The following LINC00632 variants were observed in gnomAD, a reference collection of about 807,000 sequenced individuals.
LINC00632 encodes the protein long independently transcribed non-coding RNA 632, also known as ALDOA related specific transcript.
At chrX:140,737,970 C>T (rs1055223707) in intron 3 of LINC00632, among the ~76,000 whole-genome samples, 5 of 111,781 alleles carry the variant, frequency 4.5e-5, no homozygotes, top group African/African-American at 1.6e-4. Flanking sequence ...AATTTCTATT[C>T]CTTTAGGTAA....
chrX:140,723,755 C>T (rs1444739346), intron 2 of LINC00632, among the ~76,000 whole-genome samples: 1 of 881 alleles, frequency 1.1e-3, no homozygotes, highest in African/African-American at 3.1e-3. Flanking sequence ...ATTCCATACA[C>T]ACACATATTC....
exon 4 of LINC00632, among the ~76,000 whole-genome samples, chrX:140,773,295 C>T (rs1020980853): frequency 8.1e-5 from 9 of 111,790 alleles, no homozygotes; most frequent in African/African-American, 2.9e-4. Context: ...AAGGAGCTGC[C>T]GGAGAGTATC....
chrX:140,714,799 G>T (rs2148375734), intron 2 of LINC00632: 1 of 97,567 alleles, frequency 1.0e-5, no homozygotes, highest in South Asian at 5.3e-4. Flanking sequence ...TCCAGCCTGG[G>T]CAACAAGGGC....
At chrX:140,738,451 AGTT>A (rs1253970595) in intron 3 of LINC00632, among the ~76,000 whole-genome samples, 1 of 112,536 alleles carries the variant, frequency 8.9e-6, no homozygotes, top group Non-Finnish European at 1.9e-5. Context: ...CAATGGAAGT[AGTT>A]GTCACTTTTG....
intron 3 of LINC00632, among the ~76,000 whole-genome samples, chrX:140,749,021 G>A (rs1931372559): frequency 9.1e-6 from 1 of 109,604 alleles, no homozygotes; most frequent in Admixed American, 1.0e-4. Context: ...TAATATTAGT[G>A]GCATTTATTG....
chrX:140,720,019 G>A (rs1185248096), intron 2 of LINC00632, among the ~76,000 whole-genome samples: 3 of 107,553 alleles, frequency 2.8e-5, no homozygotes, highest in African/African-American at 6.8e-5. Flanking sequence ...CCTGGGAGGC[G>A]GAGGTTGCGG....
At chrX:140,736,061 CATT>C (rs1385050941) in intron 3 of LINC00632, among the ~76,000 whole-genome samples, 3 of 111,478 alleles carry the variant, frequency 2.7e-5, no homozygotes, top group Admixed American at 1.9e-4. Flanking sequence ...TTTTGAGGTG[CATT>C]ATTAAAACCA....
At position 140,738,297 on chromosome X, in the gene LINC00632, A is replaced by C. The variant is rs1047642695; in HGVS notation, n.191+4333A>C. On this transcript the variant is annotated intron_variant and non_coding_transcript_variant, in intron 3 of 4. Transcript: ENST00000648200. ...ATTCATTGATACTGTTCCTACTCAC[A>C]TACTTCTTGAAAAGAATTTGTGTAA... 3.6e-5 allele frequency among the ~76,000 whole-genome samples: 4 copies of C among 112,331 alleles called. No individual in the cohort carries two copies. The East Asian group carries it at 1.1e-3, about 31-fold the overall frequency.
At chrX:140,771,685 A>ATATAT (rs1417040262) in intron 3 of LINC00632, among the ~76,000 whole-genome samples, 11 of 61,614 alleles carry the variant, frequency 1.8e-4, no homozygotes, top group Non-Finnish European at 2.9e-4. Context: ...ATATATATAT[A>ATATAT]TTTTTTTTTT....
exon 5 of LINC00632, chrX:140,784,483 G>A: frequency 1.2e-6 from 1 of 853,709 alleles, no homozygotes; most frequent in Non-Finnish European, 1.7e-6. Flanking sequence ...AGGGCTTCCA[G>A]CATCTGCTCG....
At chrX:140,741,358 G>A (rs1931222839) in intron 3 of LINC00632, among the ~76,000 whole-genome samples, 2 of 112,110 alleles carry the variant, frequency 1.8e-5, no homozygotes, top group South Asian at 7.5e-4. Context: ...CTAGAGCCAG[G>A]AAATCATGCC....
exon 4 of LINC00632, among the ~76,000 whole-genome samples, chrX:140,773,035 G>A (rs1468674272): frequency 2.7e-5 from 3 of 111,473 alleles, no homozygotes; most frequent in East Asian, 5.6e-4. Flanking sequence ...GATTGGTGGC[G>A]GGTACCTGTA....
At chrX:140,785,843 T>C (rs1932011586) in exon 5 of LINC00632, among the ~76,000 whole-genome samples, 1 of 112,176 alleles carries the variant, frequency 8.9e-6, no homozygotes, top group Non-Finnish European at 1.9e-5. Context: ...TTGTCCAGTT[T>C]GCACCTTACT....
At chrX:140,776,308 G>T (rs1931869917) in exon 5 of LINC00632, among the ~76,000 whole-genome samples, 1 of 112,706 alleles carries the variant, frequency 8.9e-6, no homozygotes, top group African/African-American at 3.2e-5. Flanking sequence ...CGCCCATCAT[G>T]CATAACACGT....
At chrX:140,784,703 C>A in exon 5 of LINC00632, 1 of 250,789 alleles carries the variant, frequency 4.0e-6, no homozygotes, top group Non-Finnish European at 7.4e-6. Context: ...AGCCTTTCCC[C>A]AGGTCCAGGC....
At position 140,726,329 on chromosome X, in the gene LINC00632, G is replaced by A. The variant is rs777129436; in HGVS notation, n.105-7549G>A. Among the ~76,000 whole-genome samples the A allele has an allele frequency of 4.5e-5, 5 of 110,725 alleles. No homozygotes were observed. The East Asian group carries it at 1.4e-3, about 32-fold the overall frequency. On this transcript the variant is annotated intron_variant and non_coding_transcript_variant, in intron 2 of 4. Transcript: ENST00000648200. ...CCCAAAATACACAAACGTTTTACAC[G>A]ACATACACTGACCCCAAAGAATGGC...
exon 5 of LINC00632, among the ~76,000 whole-genome samples, chrX:140,785,207 T>TAAC (rs1001813973): frequency 1.5e-4 from 16 of 110,188 alleles, no homozygotes; most frequent in Non-Finnish European, 2.1e-4. Context: ...ATAATAATAA[T>TAAC]AACAACAACA....
chrX:140,717,423 C>T (rs1236219988), intron 2 of LINC00632, among the ~76,000 whole-genome samples: 4 of 110,810 alleles, frequency 3.6e-5, no homozygotes, highest in Admixed American at 2.9e-4. Flanking sequence ...CTCTGTAATA[C>T]CTAGATAAGT....
At position 140,776,411 on chromosome X, in the gene LINC00632, T is replaced by C. The variant is rs555505163; in HGVS notation, n.4430T>C. 3.5e-5 allele frequency among the ~76,000 whole-genome samples: 4 copies of C among 112,769 alleles called. No individual in the cohort carries two copies. The South Asian group carries it at 1.5e-3, about 41-fold the overall frequency. On this transcript the variant is annotated non_coding_transcript_exon_variant, in exon 5 of 5. Coordinates refer to ENST00000648200, the Ensembl canonical transcript of LINC00632. ...AGAGCAGATTCCTCGTTGCCATCTA[T>C]TGAAAGTGAGCCCTCCACACAAGGG...
Sources: allele counts gnomAD v4.1 joint callset (sites outside exome capture counted in the v4.1 genomes callset), GRCh38; gene constraint gnomAD v4.1.1; transcripts MANE v1.5; gene names NCBI Gene and HGNC (gene_info 2026-07-23, HGNC 2026-07-21).